Variants in MRO observed in about 807,000 individuals in gnomAD.
MRO encodes the protein protein maestro.
A neutral mutation model predicts 31.0 loss-of-function variants in MRO; 28 were observed. That is an observed-to-expected ratio of 0.90 (90% CI 0.67 to 1.24). The LOEUF (loss-of-function observed/expected upper bound fraction) is 1.24. Ranked by LOEUF, MRO falls within the 50% of genes most tolerant of loss-of-function variation. The pLI, the probability that MRO is intolerant of heterozygous loss-of-function variation, is 0.00. For missense variants in MRO, 332 were observed against 289.2 expected, an observed-to-expected ratio of 1.15 and a Z score of -1.07; for synonymous variants, 108 against 108.4, an observed-to-expected ratio of 1.00 and a Z score of 0.02.
At chr18:50,812,974 G>C (rs551131457) in intron 2 of MRO, among the ~76,000 whole-genome samples, 92 of 152,310 alleles carry the variant, frequency 6.0e-4, no homozygotes, top group African/African-American at 2.1e-3. Context: ...CCCAGGGCTG[G>C]GGAGCTTCCA....
At chr18:50,825,348 T>C (rs12327163) in exon 1 of MRO, 17,995 of 152,322 alleles carry the variant, frequency 0.12, 1,128 homozygotes, top group South Asian at 0.15. Flanking sequence ...GCTAGCTTCT[T>C]GCTCTGTGCT....
chr18:50,809,346 G>A lies in MRO; in HGVS notation c.55C>T (p.Gln19Ter). 1 of 1,613,660 alleles carries A rather than the reference G, an allele frequency of 6.2e-7. No homozygotes were observed. Among genetic ancestry groups the A allele is most frequent in the Non-Finnish European group, 8.5e-7 (1 of 1,179,854 alleles). Residue 19 changes from glutamine to a stop codon, truncating the protein, a stop_gained, in exon 3 of 8, where the codon CAG becomes TAG. Transcript: ENST00000398439. LOFTEE classifies it high-confidence loss of function. ...LGQPLSIPTS[Q>*]PKQKRTSMIS... is the part of the protein sequence containing the mutation. ...ATTGATGTCCTTTTCTGCTTGGGCT[G>A]GGAAGTAGGGATGGAAAGGGGCTGG...
intron 5 of MRO, among the ~76,000 whole-genome samples, chr18:50,801,977 TAAA>T (rs930993981): frequency 6.6e-6 from 1 of 152,182 alleles, no homozygotes; most frequent in Non-Finnish European, 1.5e-5. Flanking sequence ...CTCCAAAAAA[TAAA>T]GAAGAAAGAT....
At chr18:50,813,220 C>T (rs912698242) in intron 2 of MRO, among the ~76,000 whole-genome samples, 2 of 152,210 alleles carry the variant, frequency 1.3e-5, no homozygotes, top group African/African-American at 4.8e-5. Context: ...AACACTCCCT[C>T]ACCGCCTAAC....
At chr18:50,814,290 A>C (rs1914712155) in intron 2 of MRO, 1 of 152,322 alleles carries the variant, frequency 6.6e-6, no homozygotes, top group South Asian at 2.1e-4. Context: ...AAAAAAAAAA[A>C]AACTCAAAGT....
chr18:50,819,977 G>A lies in MRO; in HGVS notation c.-207C>T, dbSNP rs1915240435. 1 of 1,550,758 alleles carries A rather than the reference G, an allele frequency of 6.4e-7. No individual in the cohort carries two copies. The highest frequency in any genetic ancestry group is 1.2e-5 in the South Asian group (1 of 84,028). ...CCTCCTTCTTCCCTCATGCCAGCCTGGTCGACACTTTCTGCAGAAATTCTG... is the reference window on the plus strand; with the variant it reads ...CCTCCTTCTTCCCTCATGCCAGCCTAGTCGACACTTTCTGCAGAAATTCTG... On this transcript the variant is annotated 5_prime_UTR_variant, in exon 1 of 8. Coordinates refer to ENST00000398439, the MANE Select transcript of MRO (RefSeq NM_031939.6).
chr18:50,799,542 T>C, intron 7 of MRO, 152 bp from the exon 8 acceptor site: 1 of 701,018 alleles, frequency 1.4e-6, no homozygotes, highest in Non-Finnish European at 2.6e-6. Flanking sequence ...GAATTGGAAC[T>C]GCCGATATAT....
intron 5 of MRO, among the ~76,000 whole-genome samples, chr18:50,801,847 C>A (rs571030089): frequency 6.6e-6 from 1 of 152,200 alleles, no homozygotes; most frequent in East Asian, 1.9e-4. Context: ...TTATAAACTT[C>A]CCAAAATTCA....
In MRO at chr18:50,799,198, G is replaced by C. The variant is rs1599001257; in HGVS notation, c.*139C>G. On this transcript the variant is annotated 3_prime_UTR_variant, in exon 8 of 8. Coordinates refer to ENST00000398439, the MANE Select transcript of MRO (RefSeq NM_031939.6). ...AATTCCATGTATTATTTTTGCCTTT[G>C]ATTGCTCTCCCAGCACCCTCTTTCC... 7.1e-5 allele frequency: 50 copies of C among 707,772 alleles called. No individual in the cohort carries two copies. In the East Asian group the frequency reaches 1.3e-3, roughly 18 times the overall value. The allele number at this position is 707,772 out of a possible 1,614,324, so 43.8% of individuals were successfully genotyped here.
At chr18:50,817,739 A>G (rs187659087) in intron 2 of MRO, among the ~76,000 whole-genome samples, 23 of 152,298 alleles carry the variant, frequency 1.5e-4, no homozygotes, top group African/African-American at 5.3e-4. Context: ...GATGAGAAAG[A>G]GAAAGAGGTC....
At chr18:50,811,288 C>A (rs1259222126) in intron 2 of MRO, among the ~76,000 whole-genome samples, 1 of 152,178 alleles carries the variant, frequency 6.6e-6, no homozygotes, top group Non-Finnish European at 1.5e-5. Flanking sequence ...TCTGCAACCA[C>A]CACCTCTAAT....
chr18:50,819,776 A>G (rs1915224545), intron 1 of MRO, 74 bp from the exon 2 acceptor site: 1 of 1,546,972 alleles, frequency 6.5e-7, no homozygotes, highest in South Asian at 1.2e-5. Flanking sequence ...AGAGTGTTGG[A>G]AAGTGAGAAT....
At chr18:50,819,269 A>T (rs535878527) in intron 2 of MRO, among the ~76,000 whole-genome samples, 1 of 152,308 alleles carries the variant, frequency 6.6e-6, no homozygotes, top group South Asian at 2.1e-4. Context: ...GACAGACCGC[A>T]TAGACATTTC....
At chr18:50,799,945 G>A (rs16960483) in intron 7 of MRO, 91 bp downstream of exon 7, 91,273 of 871,208 alleles carry the variant, frequency 0.1, 7,567 homozygotes, top group East Asian at 0.32. Context: ...TTTTAAGGGG[G>A]TAACTCTTTC....
intron 2 of MRO, chr18:50,815,656 G>T: frequency 2.8e-6 from 1 of 360,870 alleles, no homozygotes; most frequent in South Asian, 2.4e-5. Context: ...AGTTTTGGTG[G>T]AAGAAGTTCA....
intron 4 of MRO, among the ~76,000 whole-genome samples, chr18:50,805,732 C>T (rs1482508600): frequency 6.6e-6 from 1 of 151,774 alleles, no homozygotes; most frequent in African/African-American, 2.4e-5. Flanking sequence ...ATGAAACAAA[C>T]ATTAAATTAC....
intron 1 of MRO, 53 bp from the exon 2 acceptor site, chr18:50,819,755 C>CG: frequency 6.5e-7 from 1 of 1,547,368 alleles, no homozygotes; most frequent in East Asian, 2.4e-5. Flanking sequence ...TCCAGGATAA[C>CG]GGGTCGGCAC....
At chr18:50,808,101 A>C (rs1460270493) in intron 3 of MRO, among the ~76,000 whole-genome samples, 2 of 152,140 alleles carry the variant, frequency 1.3e-5, no homozygotes, top group Non-Finnish European at 2.9e-5. Flanking sequence ...ACAAACAAAC[A>C]AACAAACACA....
chr18:50,799,451 T>C (rs1227823566), intron 7 of MRO, 61 bp from the exon 8 acceptor site: 4 of 1,406,778 alleles, frequency 2.8e-6, no homozygotes, highest in Admixed American at 1.7e-5. Context: ...CTTGACAATG[T>C]AACTAGTAGG....
Sources: gnomAD v4.1 joint callset for allele counts (sites outside exome capture counted in the v4.1 genomes callset) on GRCh38, gnomAD v4.1.1 for gene constraint, MANE v1.5 for transcripts, NCBI Gene and HGNC (gene_info 2026-07-23, HGNC 2026-07-21) for gene names.